The following ERI3 variants were observed in gnomAD, a reference collection of about 807,000 sequenced individuals.
ERI3 encodes ERI1 exoribonuclease 3.
ERI3 carries 18 observed loss-of-function variants against 44.4 expected under a neutral mutation model. The ratio of observed to expected loss-of-function variants is 0.41; its 90% CI spans 0.28 to 0.60. ERI3 has a LOEUF of 0.60. ERI3 is among the 20% of genes least tolerant of loss of function. The pLI, the probability that ERI3 is intolerant of heterozygous loss-of-function variation, is 0.36. For synonymous variants in ERI3, 183 were observed against 164.8 expected, an observed-to-expected ratio of 1.11 and a Z score of -0.84; for missense variants, 294 against 435.5, an observed-to-expected ratio of 0.68 and a Z score of 2.89.
chr1:44,268,799 G>C (rs1232711769), intron 7 of ERI3, among the ~76,000 whole-genome samples: 3 of 152,194 alleles, frequency 2.0e-5, no homozygotes, highest in Non-Finnish European at 4.4e-5. Flanking sequence ...GAAGGGCCTA[G>C]GCTGCTCCCT....
At chr1:44,315,332 C>T (rs1646063875) in intron 4 of ERI3, among the ~76,000 whole-genome samples, 1 of 152,356 alleles carries the variant, frequency 6.6e-6, no homozygotes, top group East Asian at 1.9e-4. Context: ...GCCCTCCCTC[C>T]CTGGAGATAA....
chr1:44,310,113 G>C (rs1645922139), intron 5 of ERI3, among the ~76,000 whole-genome samples: 1 of 152,144 alleles, frequency 6.6e-6, no homozygotes, highest in African/African-American at 2.4e-5. Flanking sequence ...CAGGTAATAG[G>C]CTGAGAAGGG....
chr1:44,226,237 G>A (rs1389434119), intron 8 of ERI3, among the ~76,000 whole-genome samples: 3 of 151,934 alleles, frequency 2.0e-5, no homozygotes, highest in East Asian at 1.9e-4. Flanking sequence ...GAGTGGCAAC[G>A]AGATGAAGCT....
In ERI3 at chr1:44,319,755, A is replaced by C. The variant is rs758535090; in HGVS notation, c.490-11T>G. 2 of 1,575,178 alleles carry C rather than the reference A, an allele frequency of 1.3e-6. No homozygotes were observed. The highest frequency in any genetic ancestry group is 3.4e-5 in the Admixed American group (2 of 59,454). ...GAACTCGATGATTTCCTGGAGTGCCAAAGATACAGAAAAGGAAAAATAAGT... is the reference window on the plus strand; with the variant it reads ...GAACTCGATGATTTCCTGGAGTGCCCAAGATACAGAAAAGGAAAAATAAGT... On this transcript the variant is annotated splice_polypyrimidine_tract_variant and intron_variant, in intron 3 of 8. Transcript: ENST00000372257.
rs962026895 is a variant in ERI3 at position 44,297,662 on chromosome 1, A to G, written c.758+10648T>C. Among the ~76,000 whole-genome samples the G allele has an allele frequency of 1.4e-4, 22 of 152,260 alleles. 1 individual carries two copies. The South Asian group carries it at 4.3e-3, about 30-fold the overall frequency. The stretch of plus-strand genomic sequence containing the variant: ...TCTCCGCATGTGACCTGTCTTTCCC[A>G]GTGCCTGGATCTGCATAGCATCTGC... On this transcript the variant is annotated intron_variant, in intron 6 of 8. Transcript: ENST00000372257.
chr1:44,244,103 G>A (rs985766794), intron 8 of ERI3: 1 of 152,458 alleles, frequency 6.6e-6, no homozygotes, highest in African/African-American at 2.4e-5. Flanking sequence ...CTGCCCCTTT[G>A]CTGAAATGAA....
rs995760482 is a variant in ERI3 at position 44,294,995 on chromosome 1, G to T, written c.759-10088C>A. On this transcript the variant is annotated intron_variant, in intron 6 of 8. Coordinates refer to ENST00000372257, the MANE Select transcript of ERI3 (RefSeq NM_024066.3). ...TCATATAGGTACTCAAGACACAGCT[G>T]TACCCTTAACCTTCTAGCTGGTCTC... Among the ~76,000 whole-genome samples the T allele has an allele frequency of 2.0e-5, 3 of 152,200 alleles. No individual in the cohort carries two copies. The East Asian group carries it at 5.8e-4, about 29-fold the overall frequency.
Position 44,221,552 on chromosome 1 carries a change from G to A in ERI3, c.*6C>T, listed in dbSNP as rs766638193. On this transcript the variant is annotated 3_prime_UTR_variant, in exon 9 of 9. Transcript: ENST00000372257. This position sits in a 1 kb window ranked among gnomAD's most constrained non-coding sequence, Gnocchi z 5.9. ...CCCTGTCCTGCCCCATCCTGTCCTC[G>A]GCCAATCAGAACGGCTTCGATGTCT... 116 of 1,613,120 alleles carry A rather than the reference G, an allele frequency of 7.2e-5. 1 individual carries two copies. The highest frequency in any genetic ancestry group is 1.9e-4 in the South Asian group (17 of 91,064).
At chr1:44,339,760 G>A (rs1007179371) in intron 2 of ERI3, among the ~76,000 whole-genome samples, 1 of 152,178 alleles carries the variant, frequency 6.6e-6, no homozygotes, top group Non-Finnish European at 1.5e-5. Flanking sequence ...ACTCAGACAA[G>A]CAGCAGAAAA....
intron 6 of ERI3, among the ~76,000 whole-genome samples, chr1:44,288,944 G>A (rs1299228088): frequency 6.6e-6 from 1 of 152,194 alleles, no homozygotes; most frequent in Non-Finnish European, 1.5e-5. Flanking sequence ...GTGGGCCCTG[G>A]ACTAGCCTGC....
chr1:44,313,294 A>C lies in ERI3; in HGVS notation c.607-66T>G. The C allele has an allele frequency of 3.4e-6, 5 of 1,462,722 alleles. No individual in the cohort carries two copies. The South Asian group carries it at 4.6e-5, about 13-fold the overall frequency. The allele number at this position is 1,462,722 out of a possible 1,614,324, so 90.6% of individuals were successfully genotyped here. On this transcript the variant is annotated intron_variant, in intron 4 of 8. Transcript: ENST00000372257. ...GTGAAGGGACTCAAGGCTGAACAGG[A>C]CCCCTTCCTTTCTGTTTTTCTCCTT... is the stretch of plus-strand genomic sequence containing the variant.
chr1:44,283,583 A>G (rs376869860), intron 7 of ERI3, among the ~76,000 whole-genome samples: 2 of 152,226 alleles, frequency 1.3e-5, no homozygotes, highest in African/African-American at 4.8e-5. Context: ...TTTCAGCACA[A>G]GAGGAGTAGT....
intron 8 of ERI3, among the ~76,000 whole-genome samples, chr1:44,245,216 C>T (rs1211587095): frequency 6.6e-6 from 1 of 152,148 alleles, no homozygotes; most frequent in Non-Finnish European, 1.5e-5. Context: ...GGGCCATTAA[C>T]CTCACTGCTC....
chr1:44,229,027 C>T (rs1293554431), intron 8 of ERI3, among the ~76,000 whole-genome samples: 2 of 152,218 alleles, frequency 1.3e-5, no homozygotes, highest in African/African-American at 2.4e-5. Context: ...CCTGCTGGCT[C>T]CAGCCACTGC....
chr1:44,244,814 C>T (rs774563801), intron 8 of ERI3, among the ~76,000 whole-genome samples: 1 of 152,118 alleles, frequency 6.6e-6, no homozygotes, highest in African/African-American at 2.4e-5. Context: ...CCCTTCCCCA[C>T]ACCCGTCACC....
chr1:44,283,718 C>A (rs1645334547), intron 7 of ERI3, among the ~76,000 whole-genome samples: 1 of 152,182 alleles, frequency 6.6e-6, no homozygotes, highest in South Asian at 2.1e-4. Flanking sequence ...AATGATGCCA[C>A]AAAGCATGGA....
intron 6 of ERI3, among the ~76,000 whole-genome samples, chr1:44,292,083 C>T (rs1251725234): frequency 6.6e-6 from 1 of 152,170 alleles, no homozygotes; most frequent in Non-Finnish European, 1.5e-5. Context: ...GGGATTCTGG[C>T]TATAAGGAGA....
chr1:44,298,747 T>C (rs1395641622), intron 6 of ERI3, among the ~76,000 whole-genome samples: 1 of 151,866 alleles, frequency 6.6e-6, no homozygotes, highest in Non-Finnish European at 1.5e-5. Context: ...AAACCCCGTC[T>C]CCACAAAAAA....
chr1:44,255,750 T>G (rs1265182948), intron 7 of ERI3, among the ~76,000 whole-genome samples: 2 of 152,172 alleles, frequency 1.3e-5, no homozygotes, highest in African/African-American at 4.8e-5. Flanking sequence ...GCTATTACCA[T>G]CTACCTGGTC....
Sources: gnomAD v4.1 joint callset for allele counts (sites outside exome capture counted in the v4.1 genomes callset) on GRCh38, gnomAD v4.1.1 for gene constraint, Gnocchi (gnomAD v3.1) non-coding constraint, MANE v1.5 for transcripts, NCBI Gene and HGNC (gene_info 2026-07-23, HGNC 2026-07-21) for gene names.